Variants in SLC13A1 observed in about 807,000 individuals in gnomAD.
SLC13A1 encodes Na(+)/sulfate cotransporter.
A neutral mutation model predicts 70.0 loss-of-function variants in SLC13A1; 65 were observed. The ratio of observed to expected loss-of-function variants is 0.93; its 90% CI spans 0.76 to 1.14. The LOEUF (loss-of-function observed/expected upper bound fraction) is 1.14, where lower values mean the gene tolerates loss of function less well. SLC13A1 is among the 50% of genes most tolerant of loss of function. The pLI is 0.00. For synonymous variants in SLC13A1, 275 were observed against 250.5 expected (o/e 1.10, Z -0.92); for missense variants, 726 against 717.8 (o/e 1.01, Z -0.13).
At chr7:123,160,855 T>C (rs1216613041) in intron 6 of SLC13A1, among the ~76,000 whole-genome samples, 1 of 151,970 alleles carries the variant, frequency 6.6e-6, no homozygotes, top group Non-Finnish European at 1.5e-5. Flanking sequence ...AAATCTAGTA[T>C]AATGGAAATC....
At position 123,149,614 on chromosome 7, in the gene SLC13A1, G is replaced by A. The variant is rs778462886; in HGVS notation, c.661-2304C>T. 27 of 456,368 alleles carry A rather than the reference G, an allele frequency of 5.9e-5. No homozygotes were observed. In the Middle Eastern group the frequency reaches 1.6e-3, roughly 27 times the overall value. The allele number at this position is 456,368 out of a possible 1,614,324, so 28.3% of individuals were successfully genotyped here. ...AAGCTGTTTTTTGGTCACCTCACTT[G>A]CAAGTACTGTGGAAATGAAATGCAA... On this transcript the variant is annotated intron_variant, in intron 6 of 14. Transcript: ENST00000194130.
At chr7:123,193,189 CA>C (rs1357251489) in intron 1 of SLC13A1, among the ~76,000 whole-genome samples, 2 of 152,128 alleles carry the variant, frequency 1.3e-5, no homozygotes, top group Non-Finnish European at 2.9e-5. Context: ...GTTCAACGTG[CA>C]GCATCCTACA....
In SLC13A1 at chr7:123,123,046, T is replaced by C. The variant is rs376913041; in HGVS notation, c.1350+80A>G. 5.6e-5 allele frequency: 63 copies of C among 1,125,648 alleles called. 2 individuals carry two copies. The highest frequency in any genetic ancestry group is 5.2e-4 in the East Asian group (22 of 42,414). The allele number at this position is 1,125,648 out of a possible 1,614,324, so 69.7% of individuals were successfully genotyped here. ...TAAAATGACAGAGTGAAATTGAATA[T>C]GCCCAAAGATTGAATGTCTCTGTGC... On this transcript the variant is annotated intron_variant, in intron 12 of 14. Transcript: ENST00000194130.
intron 6 of SLC13A1, among the ~76,000 whole-genome samples, chr7:123,156,462 TAGA>T (rs1485041404): frequency 6.6e-6 from 1 of 152,080 alleles, no homozygotes; most frequent in African/African-American, 2.4e-5. Flanking sequence ...CATATGTTGG[TAGA>T]TGATGTAACT....
chr7:123,125,755 T>G, intron 10 of SLC13A1, 80 bp from the exon 11 acceptor site: 1 of 944,484 alleles, frequency 1.1e-6, no homozygotes, highest in South Asian at 1.3e-5. Context: ...GCTAATAACA[T>G]ATCAGTAATA....
intron 2 of SLC13A1, among the ~76,000 whole-genome samples, chr7:123,173,462 A>G (rs10246798): frequency 0.05 from 7,660 of 152,178 alleles, 624 homozygotes; most frequent in African/African-American, 0.17. Context: ...AAAATTATCC[A>G]TATGCACCAA....
At chr7:123,189,114 C>CAAA (rs34956751) in intron 1 of SLC13A1, among the ~76,000 whole-genome samples, 1,480 of 98,942 alleles carry the variant, frequency 0.015, 67 homozygotes, top group Non-Finnish European at 0.017. Context: ...GACTCCGTCT[C>CAAA]AAAAAAAAAA....
chr7:123,144,117 GA>G (rs1386522314), intron 7 of SLC13A1, among the ~76,000 whole-genome samples: 2 of 152,164 alleles, frequency 1.3e-5, no homozygotes, highest in Non-Finnish European at 2.9e-5. Flanking sequence ...GGGCAGGGGA[GA>G]GGTGGCAGAT....
intron 14 of SLC13A1, 41 bp from the exon 15 acceptor site, chr7:123,115,696 A>G: frequency 6.2e-7 from 1 of 1,608,726 alleles, no homozygotes; most frequent in Non-Finnish European, 8.5e-7. Context: ...TCCCAGAAGA[A>G]AGCCTACAGG....
chr7:123,151,366 A>ATGTGTGTGTG lies in SLC13A1; in HGVS notation c.661-4066_661-4057dup, dbSNP rs558304741. On this transcript the variant is annotated intron_variant, in intron 6 of 14. Transcript: ENST00000194130. ...AAACTATATATATATATTTGAATAT[A>ATGTGTGTGTG]TGTGTGTGTGTGTGTGTGTGTATAT... Among the ~76,000 whole-genome samples the ATGTGTGTGTG allele has an allele frequency of 1.2e-4, 17 of 145,674 alleles. No homozygotes were observed. In the East Asian group the frequency reaches 1.2e-3, roughly 10 times the overall value.
chr7:123,191,688 A>C (rs1001347206), intron 1 of SLC13A1, among the ~76,000 whole-genome samples: 9 of 152,202 alleles, frequency 5.9e-5, no homozygotes, highest in African/African-American at 2.2e-4. Context: ...CCAGATAACA[A>C]CACTTGGCAC....
intron 6 of SLC13A1, among the ~76,000 whole-genome samples, chr7:123,166,543 C>T (rs182731114): frequency 5.9e-4 from 89 of 152,122 alleles, no homozygotes; most frequent in African/African-American, 1.7e-3. Flanking sequence ...ATCCGTCCCC[C>T]CTTCCCCCAC....
At chr7:123,182,545 A>G (rs1048169156) in intron 1 of SLC13A1, among the ~76,000 whole-genome samples, 1 of 152,120 alleles carries the variant, frequency 6.6e-6, no homozygotes, top group Non-Finnish European at 1.5e-5. Context: ...TGTATTTGGC[A>G]TTCCCTTACA....
At chr7:123,132,341 T>G (rs1033619889) in intron 8 of SLC13A1, among the ~76,000 whole-genome samples, 3 of 152,112 alleles carry the variant, frequency 2.0e-5, no homozygotes, top group Admixed American at 6.6e-5. Flanking sequence ...GCCACAGGCA[T>G]GGAACCACTA....
chr7:123,141,385 A>G (rs1794136012), intron 7 of SLC13A1, among the ~76,000 whole-genome samples: 1 of 152,174 alleles, frequency 6.6e-6, no homozygotes, highest in Non-Finnish European at 1.5e-5. Flanking sequence ...TGTATACTGC[A>G]GCCATTTGAT....
rs781151170 is a variant in SLC13A1 at position 123,165,770 on chromosome 7, G to GA, written c.660+2603dup. Among the ~76,000 whole-genome samples, 353 of 150,084 alleles carry GA rather than the reference G, an allele frequency of 2.4e-3. 3 individuals are homozygous for GA. Among genetic ancestry groups the GA allele is most frequent in the Admixed American group, 5.4e-3 (82 of 15,054 alleles). ...AGCATCTGCATTGTAGAGGTTTCCT[G>GA]AAAAAAAAACATTCTTTACTTAGCT... On this transcript the variant is annotated intron_variant, in intron 6 of 14. Transcript: ENST00000194130.
intron 14 of SLC13A1, among the ~76,000 whole-genome samples, chr7:123,117,141 T>A (rs868247950): frequency 2.6e-5 from 4 of 152,078 alleles, no homozygotes; most frequent in African/African-American, 9.7e-5. Context: ...TATTTTTTCC[T>A]TTTGCCTGGA....
intron 1 of SLC13A1, among the ~76,000 whole-genome samples, chr7:123,187,831 G>A (rs1017623844): frequency 2.0e-5 from 3 of 152,094 alleles, no homozygotes; most frequent in East Asian, 1.9e-4. Flanking sequence ...TTCTACTGAT[G>A]TTTGTTTGGA....
At chr7:123,125,971 A>C (rs917845530) in intron 10 of SLC13A1, among the ~76,000 whole-genome samples, 1 of 152,204 alleles carries the variant, frequency 6.6e-6, no homozygotes, top group Non-Finnish European at 1.5e-5. Context: ...CCTTTTAGAT[A>C]AGCTTACAGA....
Sources: allele counts gnomAD v4.1 joint callset (sites outside exome capture counted in the v4.1 genomes callset), GRCh38; gene constraint gnomAD v4.1.1; transcripts MANE v1.5; gene names NCBI Gene and HGNC (gene_info 2026-07-23, HGNC 2026-07-21).